Variants in PNPLA1 observed in about 807,000 individuals in gnomAD.
The protein encoded by PNPLA1 is patatin like domain 1, omega-hydroxyceramide transacylase.
PNPLA1 carries 36 observed loss-of-function variants against 51.7 expected under a neutral mutation model. That is an observed-to-expected ratio of 0.70 (90% CI 0.53 to 0.92). The LOEUF is 0.92. Among genes scored for constraint, PNPLA1 ranks in the 40% least tolerant of loss-of-function variants. PNPLA1 has a pLI of 0.00. For synonymous variants in PNPLA1, 293 were observed against 280.1 expected (o/e 1.05, Z -0.46); for missense variants, 658 against 682.5 (o/e 0.96, Z 0.40).
chr6:36,247,568 G>C (rs1036247550), intron 1 of PNPLA1, among the ~76,000 whole-genome samples: 3 of 152,188 alleles, frequency 2.0e-5, no homozygotes, highest in Admixed American at 2.0e-4. Flanking sequence ...GTCGATGAAT[G>C]AATTTTTCTA....
chr6:36,291,582 A>AGG, intron 2 of PNPLA1, 30 bp downstream of exon 2: 1 of 163,186 alleles, frequency 6.1e-6, no homozygotes, highest in Non-Finnish European at 1.3e-5. Flanking sequence ...AGGGAGGGAC[A>AGG]CGGAGGGGGC....
chr6:36,249,263 A>G lies in PNPLA1; in HGVS notation c.-81+6002A>G, dbSNP rs148712342. ...GCTCTGACCTTACATTCTTCCTTTTATTTCCTGAGAACTAAAAAATATTAT... is the reference window on the plus strand; with the variant it reads ...GCTCTGACCTTACATTCTTCCTTTTGTTTCCTGAGAACTAAAAAATATTAT... On this transcript the variant is annotated intron_variant, in intron 1 of 7. Transcript: ENST00000312917. Among the ~76,000 whole-genome samples, 1,510 of 152,220 alleles carry G rather than the reference A, an allele frequency of 9.9e-3. 28 individuals are homozygous for G. Among genetic ancestry groups the G allele is most frequent in the African/African-American group, 0.034 (1,395 of 41,532 alleles).
intron 8 of PNPLA1, among the ~76,000 whole-genome samples, chr6:36,311,339 A>G (rs771346544): frequency 1.3e-5 from 2 of 152,214 alleles, no homozygotes; most frequent in Non-Finnish European, 2.9e-5. Context: ...TTCCAGGCAC[A>G]CGGGATGGCC....
chr6:36,291,597 G>GA, intron 2 of PNPLA1, 45 bp downstream of exon 2: 11 of 532,582 alleles, frequency 2.1e-5, no homozygotes, highest in East Asian at 5.3e-5. Flanking sequence ...GGGGGCGGGG[G>GA]AGGGCGGCTC....
chr6:36,266,488 C>T (rs1308689753), upstream of PNPLA1, among the ~76,000 whole-genome samples: 2 of 152,162 alleles, frequency 1.3e-5, no homozygotes, highest in Non-Finnish European at 2.9e-5. Flanking sequence ...CCCTGTGTGC[C>T]TTTTACCTTT....
chr6:36,286,654 A>G (rs1020429215), intron 1 of PNPLA1, among the ~76,000 whole-genome samples: 1 of 152,158 alleles, frequency 6.6e-6, no homozygotes, highest in Non-Finnish European at 1.5e-5. Flanking sequence ...AGTGCCGTTC[A>G]AAAATCTCCC....
At chr6:36,269,654 C>T (rs1769849395), upstream of PNPLA1, among the ~76,000 whole-genome samples, 2 of 152,162 alleles carry the variant, frequency 1.3e-5, no homozygotes, top group Admixed American at 6.5e-5. Context: ...ACCAAGGTCA[C>T]AGGGTCAGTG....
chr6:36,312,354 T>G lies in PNPLA1; in HGVS notation c.*468T>G, dbSNP rs1582113580. 1 of 152,330 alleles carries G rather than the reference T, an allele frequency of 6.6e-6. No homozygotes were observed. Among genetic ancestry groups the G allele is most frequent in the East Asian group, 1.9e-4 (1 of 5,186 alleles). The allele number at this position is 152,330 out of a possible 1,614,324, so 9.4% of individuals were successfully genotyped here. On this transcript the variant is annotated 3_prime_UTR_variant, in exon 9 of 9. Coordinates refer to ENST00000636260, the MANE Select transcript of PNPLA1 (RefSeq NM_001374623.1). ...CCTTTTATCACCTCCCACTGGAGAT[T>G]ACATTTGCAAGCAGCAAAAGACCCC...
chr6:36,276,589 G>A (rs1332537530), intron 1 of PNPLA1, among the ~76,000 whole-genome samples: 1 of 152,188 alleles, frequency 6.6e-6, no homozygotes, highest in Non-Finnish European at 1.5e-5. Context: ...GTGCCTCAAA[G>A]CTGCATTTGC....
intron 1 of PNPLA1, among the ~76,000 whole-genome samples, chr6:36,249,964 A>G (rs1769385899): frequency 1.3e-5 from 2 of 152,204 alleles, no homozygotes; most frequent in South Asian, 4.1e-4. Context: ...AGGGTTCTTT[A>G]TATGCTACTA....
chr6:36,253,485 A>C (rs543575701), intron 1 of PNPLA1, among the ~76,000 whole-genome samples: 1 of 152,266 alleles, frequency 6.6e-6, no homozygotes, highest in African/African-American at 2.4e-5. Context: ...AATTCTTGAT[A>C]ATTTTTTTTT....
rs143642510 is a variant in PNPLA1, at chr6:36,309,342, A to T, written c.1595+1630A>T. Among the ~76,000 whole-genome samples, 334 of 152,136 alleles carry T rather than the reference A, an allele frequency of 2.2e-3. 1 individual carries two copies. The highest frequency in any genetic ancestry group is 6.4e-3 in the African/African-American group (264 of 41,508). Reference sequence around the variant, plus strand: ...CTGGGATTCTTCTCACTCATTCTTGATCTCCAGCCCCAACACTTCCCTGAC... The same window carrying T: ...CTGGGATTCTTCTCACTCATTCTTGTTCTCCAGCCCCAACACTTCCCTGAC... On this transcript the variant is annotated intron_variant, in intron 8 of 8. Coordinates refer to ENST00000636260, the MANE Select transcript of PNPLA1 (RefSeq NM_001374623.1).
At chr6:36,250,852 C>T (rs941198930) in intron 1 of PNPLA1, among the ~76,000 whole-genome samples, 7 of 152,212 alleles carry the variant, frequency 4.6e-5, no homozygotes, top group Admixed American at 2.0e-4. Context: ...TACAGGCATA[C>T]GCCACCACGT....
chr6:36,278,032 A>C (rs978380978), intron 1 of PNPLA1, among the ~76,000 whole-genome samples: 18 of 152,242 alleles, frequency 1.2e-4, no homozygotes, highest in African/African-American at 4.1e-4. Context: ...TCCTGCCTAG[A>C]ATGACCCTCT....
At chr6:36,309,739 T>C (rs989599589) in intron 8 of PNPLA1, among the ~76,000 whole-genome samples, 3 of 152,216 alleles carry the variant, frequency 2.0e-5, no homozygotes, top group African/African-American at 7.2e-5. Flanking sequence ...ACAGAACAGA[T>C]GCTGAGCCTG....
At chr6:36,262,852 C>G (rs1318258706) in intron 1 of PNPLA1, among the ~76,000 whole-genome samples, 3 of 151,948 alleles carry the variant, frequency 2.0e-5, no homozygotes, top group African/African-American at 7.2e-5. Context: ...ATTTAACTAG[C>G]TTGCCATTGA....
At chr6:36,311,592 C>T (rs1771409770) in intron 8 of PNPLA1, among the ~76,000 whole-genome samples, 171 bp from the exon 9 acceptor site, 1 of 152,192 alleles carries the variant, frequency 6.6e-6, no homozygotes, top group Non-Finnish European at 1.5e-5. Context: ...AAGTCCACAT[C>T]CCAGCATTTC....
At chr6:36,249,304 C>T (rs2037097000) in intron 1 of PNPLA1, among the ~76,000 whole-genome samples, 1 of 151,988 alleles carries the variant, frequency 6.6e-6, no homozygotes, top group Non-Finnish European at 1.5e-5. Flanking sequence ...CTGGAGTTTC[C>T]ATTGAGATGA....
chr6:36,289,474 G>GT (rs1770608624), intron 1 of PNPLA1, among the ~76,000 whole-genome samples: 1 of 152,174 alleles, frequency 6.6e-6, no homozygotes, highest in African/African-American at 2.4e-5. Context: ...TTGGCACATG[G>GT]TAAGGCTAAC....
Sources: allele counts gnomAD v4.1 joint callset (sites outside exome capture counted in the v4.1 genomes callset), GRCh38; gene constraint gnomAD v4.1.1; transcripts MANE v1.5; gene names NCBI Gene and HGNC (gene_info 2026-07-23, HGNC 2026-07-21).